The following CCDC60 variants were observed in gnomAD, a reference collection of about 807,000 sequenced individuals.
CCDC60 encodes the protein coiled-coil domain-containing protein 60.
Under a neutral mutation model 63.5 loss-of-function variants are expected in CCDC60, and 54 were observed. The observed-to-expected ratio is 0.85, with a 90% CI of 0.68 to 1.07. The LOEUF (loss-of-function observed/expected upper bound fraction) is 1.07. CCDC60 is among the 50% of genes least tolerant of loss of function. The pLI, the probability that CCDC60 is intolerant of heterozygous loss-of-function variation, is 0.00. For synonymous variants in CCDC60, 206 were observed against 238.8 expected (o/e 0.86, Z 1.27); for missense variants, 651 against 684.3 (o/e 0.95, Z 0.54).
At chr12:119,404,765 T>C (rs1270405259) in intron 1 of CCDC60, among the ~76,000 whole-genome samples, 9 of 152,118 alleles carry the variant, frequency 5.9e-5, no homozygotes, top group Non-Finnish European at 1.5e-5. Context: ...TCCAAAACCA[T>C]GACAGATCTA....
At chr12:119,513,936 C>T (rs1354247522) in intron 7 of CCDC60, among the ~76,000 whole-genome samples, 1 of 151,968 alleles carries the variant, frequency 6.6e-6, no homozygotes, top group Non-Finnish European at 1.5e-5. Flanking sequence ...AGAGTGTATT[C>T]CTTCTATTTA....
chr12:119,483,936 A>G (rs988564010), intron 4 of CCDC60, among the ~76,000 whole-genome samples: 12 of 146,072 alleles, frequency 8.2e-5, no homozygotes, highest in African/African-American at 3.0e-4. Context: ...GCTTCTGGGG[A>G]CTTTTTTTTT....
chr12:119,379,048 G>C (rs1955982803), intron 1 of CCDC60, among the ~76,000 whole-genome samples: 1 of 152,224 alleles, frequency 6.6e-6, no homozygotes, highest in South Asian at 2.1e-4. Context: ...GAAGCCCCCA[G>C]CTCGGCCTGG....
At chr12:119,412,672 G>A (rs956493727) in intron 1 of CCDC60, among the ~76,000 whole-genome samples, 3 of 152,052 alleles carry the variant, frequency 2.0e-5, no homozygotes, top group Non-Finnish European at 4.4e-5. Context: ...TCTGGGTCTC[G>A]GTTCTCTTAA....
intron 2 of CCDC60, among the ~76,000 whole-genome samples, chr12:119,471,111 C>G (rs987905116): frequency 6.6e-6 from 1 of 152,206 alleles, no homozygotes; most frequent in Non-Finnish European, 1.5e-5. Flanking sequence ...GCTGCTAACT[C>G]CAACCCCAAG....
intron 4 of CCDC60, among the ~76,000 whole-genome samples, chr12:119,486,622 GA>G (rs1168606326): frequency 2.6e-5 from 4 of 152,198 alleles, no homozygotes; most frequent in Non-Finnish European, 5.9e-5. Context: ...AGAAGGAAAA[GA>G]CTCCAGGGAA....
intron 5 of CCDC60, among the ~76,000 whole-genome samples, chr12:119,498,548 G>T (rs966873712): frequency 2.6e-5 from 4 of 152,074 alleles, no homozygotes; most frequent in African/African-American, 9.7e-5. Context: ...TGTTGGCCAG[G>T]CTGGTCTCGA....
At chr12:119,524,308 C>T (rs563703905) in intron 11 of CCDC60, 5 of 227,442 alleles carry the variant, frequency 2.2e-5, no homozygotes, top group East Asian at 3.6e-4. Context: ...AGTTATGATG[C>T]GGGATTTGAT....
intron 7 of CCDC60, among the ~76,000 whole-genome samples, chr12:119,508,765 C>T (rs180920181): frequency 1.8e-4 from 28 of 152,226 alleles, no homozygotes; most frequent in Non-Finnish European, 1.5e-5. Context: ...GTTTTCAGTA[C>T]AGGAGGGACT....
chr12:119,524,716 C>CTTTTTTTGTTTTTTTTTTTTT (rs1416953138), intron 11 of CCDC60, among the ~76,000 whole-genome samples: 1 of 90,594 alleles, frequency 1.1e-5, no homozygotes, highest in African/African-American at 5.3e-5. Flanking sequence ...CTTTTCTTTT[C>CTTTTTTTGTTTTTTTTTTTTT]TTTTCTTTTT....
intron 6 of CCDC60, 38 bp downstream of exon 6, chr12:119,500,206 G>A: frequency 7.4e-7 from 1 of 1,354,892 alleles, no homozygotes; most frequent in Non-Finnish European, 1.0e-6. Context: ...TTGGCTCCTA[G>A]GTCCCAGCTT....
intron 9 of CCDC60, among the ~76,000 whole-genome samples, chr12:119,521,801 A>T (rs1486573369): frequency 6.6e-6 from 1 of 152,186 alleles, no homozygotes; most frequent in African/African-American, 2.4e-5. Context: ...CTACAGGAGG[A>T]AGGTCAGGGC....
In CCDC60 at chr12:119,368,221, AGAG is replaced by A. The variant is rs376008615; in HGVS notation, c.90+32969_90+32971del. On this transcript the variant is annotated intron_variant, in intron 1 of 13. Transcript: ENST00000327554. ...AAGGGCAGGAGGAGGAGGGGGAGGA[AGAG>A]GAGGAGGAGGAGGGGGAGGAGAAGA... Among the ~76,000 whole-genome samples the A allele has an allele frequency of 5.9e-3, 596 of 101,806 alleles. 2 individuals are homozygous for A. The highest frequency in any genetic ancestry group is 0.015 in the African/African-American group (395 of 25,762). The allele number at this position is 101,806 out of a possible 152,430, so 66.8% of individuals were successfully genotyped here.
intron 1 of CCDC60, among the ~76,000 whole-genome samples, chr12:119,385,837 G>A (rs954963744): frequency 1.3e-5 from 2 of 152,178 alleles, no homozygotes; most frequent in Admixed American, 1.3e-4. Context: ...CTTCAGGGTG[G>A]TAACAGCTCC....
At chr12:119,522,422 A>G (rs1450024919) in intron 9 of CCDC60, among the ~76,000 whole-genome samples, 2 of 152,190 alleles carry the variant, frequency 1.3e-5, no homozygotes, top group African/African-American at 2.4e-5. Context: ...ACAGATGAGG[A>G]AACTGACCAT....
At chr12:119,460,632 T>G (rs1950838695) in intron 2 of CCDC60, among the ~76,000 whole-genome samples, 1 of 152,226 alleles carries the variant, frequency 6.6e-6, no homozygotes, top group Non-Finnish European at 1.5e-5. Flanking sequence ...CAATGTCTTC[T>G]CACTCTTCTG....
chr12:119,429,755 C>T (rs1956963967), intron 2 of CCDC60: 1 of 152,190 alleles, frequency 6.6e-6, no homozygotes, highest in African/African-American at 2.4e-5. Flanking sequence ...GTTAAAGGGC[C>T]TAGGGGAGAG....
chr12:119,492,995 C>T (rs1313481964), intron 5 of CCDC60, among the ~76,000 whole-genome samples: 1 of 150,706 alleles, frequency 6.6e-6, no homozygotes, highest in African/African-American at 2.4e-5. Context: ...GGTGAACAGA[C>T]AAGTATGCAA....
chr12:119,480,802 G>A (rs948065590), intron 4 of CCDC60, among the ~76,000 whole-genome samples: 1,369 of 43,290 alleles, frequency 0.032, no homozygotes, highest in Middle Eastern at 0.069. Context: ...CACCACCATC[G>A]TCACCATCAT....
Sources: allele counts gnomAD v4.1 joint callset (sites outside exome capture counted in the v4.1 genomes callset), GRCh38; gene constraint gnomAD v4.1.1; transcripts MANE v1.5; gene names NCBI Gene and HGNC (gene_info 2026-07-23, HGNC 2026-07-21).